The following EPHA4 variants were observed in gnomAD, a reference collection of about 807,000 sequenced individuals.
EPHA4 encodes EPH receptor A4, also known as ephrin type-A receptor 4.
A neutral mutation model predicts 108.3 loss-of-function variants in EPHA4; 19 were observed. The observed-to-expected ratio is 0.18, with a 90% CI of 0.12 to 0.26. The LOEUF (loss-of-function observed/expected upper bound fraction) is 0.26, where lower values mean the gene tolerates loss of function less well. EPHA4 is among the 10% of genes least tolerant of loss of function. The pLI is 1.00. For synonymous variants in EPHA4, 449 were observed against 455.5 expected (o/e 0.99, Z 0.18); for missense variants, 917 against 1,254.0 (o/e 0.73, Z 4.06).
intron 3 of EPHA4, among the ~76,000 whole-genome samples, chr2:221,548,289 G>C (rs1360478340): frequency 6.6e-6 from 1 of 151,974 alleles, no homozygotes; most frequent in Non-Finnish European, 1.5e-5. Flanking sequence ...CTGGGGAGGT[G>C]AAGGTTGCAG....
rs189433827 is a variant in EPHA4 at position 221,508,644 on chromosome 2, T to G, written c.824-7472A>C. Among the ~76,000 whole-genome samples, 22 of 151,310 alleles carry G rather than the reference T, an allele frequency of 1.5e-4. 1 individual carries two copies. In the East Asian group the frequency reaches 3.5e-3, roughly 24 times the overall value. ...AATCTGACATGTTTGAAATATAAAA[T>G]TTAAATTATTTCTCAAACCAGTATG... On this transcript the variant is annotated intron_variant, in intron 3 of 17. Transcript: ENST00000281821.
chr2:221,520,958 A>C (rs1693148921), intron 3 of EPHA4, among the ~76,000 whole-genome samples: 1 of 152,210 alleles, frequency 6.6e-6, no homozygotes, highest in Non-Finnish European at 1.5e-5. Flanking sequence ...CCATGGTAGG[A>C]TCTGCATGCA....
At chr2:221,566,919 G>A (rs1168587160) in intron 2 of EPHA4, among the ~76,000 whole-genome samples, 1 of 54,634 alleles carries the variant, frequency 1.8e-5, no homozygotes, top group Non-Finnish European at 3.3e-5. Flanking sequence ...AGAAGGAGAA[G>A]GAGAAGGAGA....
chr2:221,513,781 T>C (rs1692905186), intron 3 of EPHA4, among the ~76,000 whole-genome samples: 1 of 152,344 alleles, frequency 6.6e-6, no homozygotes. Flanking sequence ...ACTAATGATT[T>C]TACACAACTT....
intron 3 of EPHA4, among the ~76,000 whole-genome samples, chr2:221,526,585 G>A (rs1015537459): frequency 2.0e-5 from 3 of 151,022 alleles, no homozygotes; most frequent in Non-Finnish European, 4.4e-5. Flanking sequence ...AGCGGTTCAC[G>A]CCTGTAATCC....
Position 221,418,328 on chromosome 2 carries a change from CCA to C in EPHA4, c.*3042_*3043del. 6.6e-6 allele frequency: 1 copy of C among 152,594 alleles called. No homozygotes were observed. Among genetic ancestry groups the C allele is most frequent in the East Asian group, 1.9e-4 (1 of 5,190 alleles). 9.5% of individuals were successfully genotyped at this position (152,594 alleles called of 1,614,324 possible). ...TATGCCTTATACATTCTAATTTGAA[CCA>C]CAGTCCTTGCATATTCCAACATACT... On this transcript the variant is annotated 3_prime_UTR_variant, in exon 18 of 18. Coordinates refer to ENST00000281821, the MANE Select transcript of EPHA4 (RefSeq NM_004438.5).
rs533881543 is a variant in EPHA4, at chr2:221,548,089, T to G, written c.823+15642A>C. Reference sequence around the variant, plus strand: ...GTTGGAGGTGGGGCCTGGTGGGAGGTGATCGGATCATGGGGGCAGATCTTT... The same window carrying G: ...GTTGGAGGTGGGGCCTGGTGGGAGGGGATCGGATCATGGGGGCAGATCTTT... On this transcript the variant is annotated intron_variant, in intron 3 of 17. Coordinates refer to ENST00000281821, the MANE Select transcript of EPHA4 (RefSeq NM_004438.5). 1.8e-4 allele frequency among the ~76,000 whole-genome samples: 27 copies of G among 152,090 alleles called. 1 individual carries two copies. The South Asian group carries it at 5.4e-3, about 31-fold the overall frequency.
chr2:221,443,458 C>G, intron 10 of EPHA4, 35 bp downstream of exon 10: 1 of 1,480,130 alleles, frequency 6.8e-7, no homozygotes, highest in Non-Finnish European at 9.4e-7. Context: ...ACCAAGAAAA[C>G]AGACTCATTA....
chr2:221,554,732 T>G (rs1299856512), intron 3 of EPHA4, among the ~76,000 whole-genome samples: 1 of 152,166 alleles, frequency 6.6e-6, no homozygotes, highest in Non-Finnish European at 1.5e-5. Flanking sequence ...ATTCTAGGTA[T>G]GAAGATTGAT....
chr2:221,420,755 A>T (rs544729795), intron 17 of EPHA4, among the ~76,000 whole-genome samples: 1 of 152,214 alleles, frequency 6.6e-6, no homozygotes, highest in African/African-American at 2.4e-5. Flanking sequence ...GTTTACTAAC[A>T]GCTTAATTAC....
intron 8 of EPHA4, 100 bp from the exon 9 acceptor site, chr2:221,446,281 T>A (rs926822226): frequency 6.7e-6 from 4 of 592,692 alleles, no homozygotes; most frequent in African/African-American, 5.8e-5. Flanking sequence ...GTCAGGCAGG[T>A]ATGCTATGTA....
At chr2:221,562,021 T>G (rs1694482984) in intron 3 of EPHA4, among the ~76,000 whole-genome samples, 1 of 152,218 alleles carries the variant, frequency 6.6e-6, no homozygotes. Context: ...TCATAGTAAT[T>G]TAGTTGCCAG....
chr2:221,497,759 A>G (rs1347079852), intron 4 of EPHA4, among the ~76,000 whole-genome samples: 1 of 152,048 alleles, frequency 6.6e-6, no homozygotes, highest in Non-Finnish European at 1.5e-5. Context: ...AAAAATAAGT[A>G]AGTAAAGTAA....
chr2:221,452,700 T>A (rs749900865), intron 8 of EPHA4, among the ~76,000 whole-genome samples: 5 of 119,098 alleles, frequency 4.2e-5, no homozygotes, highest in Non-Finnish European at 9.1e-5. Flanking sequence ...TTATCAGCCT[T>A]GGGAAGTGAC....
intron 8 of EPHA4, among the ~76,000 whole-genome samples, chr2:221,453,846 C>A (rs1166205928): frequency 6.6e-6 from 1 of 152,000 alleles, no homozygotes; most frequent in East Asian, 1.9e-4. Flanking sequence ...CCCTGTATAC[C>A]AGGACACTTT....
chr2:221,502,330 C>T (rs1439189378), intron 3 of EPHA4, among the ~76,000 whole-genome samples: 1 of 152,092 alleles, frequency 6.6e-6, no homozygotes, highest in East Asian at 1.9e-4. Context: ...TATTTCATAA[C>T]ACCAGAGGTT....
intron 4 of EPHA4, among the ~76,000 whole-genome samples, chr2:221,488,025 A>T (rs138534909): frequency 5.7e-4 from 87 of 152,254 alleles, no homozygotes; most frequent in African/African-American, 1.7e-3. Flanking sequence ...AAATTTTATG[A>T]TCTGGCCAGA....
At chr2:221,433,837 T>C (rs925441875) in intron 14 of EPHA4, among the ~76,000 whole-genome samples, 8 of 152,190 alleles carry the variant, frequency 5.3e-5, no homozygotes, top group Admixed American at 2.0e-4. Flanking sequence ...AAAGTCAAAG[T>C]TTAATTTTGT....
At chr2:221,543,754 A>G (rs1438223211) in intron 3 of EPHA4, among the ~76,000 whole-genome samples, 1 of 152,242 alleles carries the variant, frequency 6.6e-6, no homozygotes, top group African/African-American at 2.4e-5. Context: ...TTCACAAACA[A>G]GGAATACAGG....
Sources: allele counts gnomAD v4.1 joint callset (sites outside exome capture counted in the v4.1 genomes callset), GRCh38; gene constraint gnomAD v4.1.1; transcripts MANE v1.5; gene names NCBI Gene and HGNC (gene_info 2026-07-23, HGNC 2026-07-21).